The following MAST2 variants were observed in gnomAD, a reference collection of about 807,000 sequenced individuals.
MAST2 encodes the protein microtubule-associated serine/threonine-protein kinase 2.
Under a neutral mutation model 147.4 loss-of-function variants are expected in MAST2, and 70 were observed. That is an observed-to-expected ratio of 0.47 (90% CI 0.39 to 0.58). MAST2 has a LOEUF of 0.58. Among genes scored for constraint, MAST2 ranks in the 20% least tolerant of loss-of-function variants. MAST2 has a pLI of 0.00. For synonymous variants in MAST2, 869 were observed against 896.8 expected, an observed-to-expected ratio of 0.97 and a Z score of 0.55; for missense variants, 2,080 against 2,302.3, an observed-to-expected ratio of 0.90 and a Z score of 1.98.
At chr1:46,013,643 G>A (rs1645808936) in intron 10 of MAST2, among the ~76,000 whole-genome samples, 1 of 150,498 alleles carries the variant, frequency 6.6e-6, no homozygotes, top group African/African-American at 2.5e-5. Flanking sequence ...TCATGCCATT[G>A]TACTCCAGCC....
chr1:46,006,420 TC>T (rs769113946), intron 8 of MAST2, 25 bp downstream of exon 8: 1 of 1,601,112 alleles, frequency 6.2e-7, no homozygotes, highest in Non-Finnish European at 8.5e-7. Context: ...TGCCCACTGT[TC>T]CAGTGCATGT....
rs898765317 is a variant in MAST2 at position 45,941,416 on chromosome 1, C to T, written c.501-17970C>T. On this transcript the variant is annotated intron_variant, in intron 4 of 28. Coordinates refer to ENST00000361297, the MANE Select transcript of MAST2 (RefSeq NM_015112.3). ...CTGGGATTGCAGGCGCCTGCCACTG[C>T]GCCTAGCTAATTTTTCTATTTTTAG... Among the ~76,000 whole-genome samples the T allele has an allele frequency of 5.3e-5, 8 of 152,124 alleles. No homozygotes were observed. The East Asian group carries it at 1.2e-3, about 22-fold the overall frequency.
At chr1:46,019,531 G>A (rs1460907196) in intron 10 of MAST2, 65 bp from the exon 11 acceptor site, 11 of 1,321,442 alleles carry the variant, frequency 8.3e-6, no homozygotes, top group Admixed American at 3.4e-5. Context: ...GCTCTGCCCT[G>A]TCTGGTCCTG....
chr1:46,005,377 A>AAC, intron 7 of MAST2, among the ~76,000 whole-genome samples: 1 of 152,038 alleles, frequency 6.6e-6, no homozygotes, highest in East Asian at 1.9e-4. Flanking sequence ...AAAAAAAAAA[A>AAC]ACCCCAGATC....
intron 4 of MAST2, among the ~76,000 whole-genome samples, chr1:45,884,195 C>G (rs544669218): frequency 6.6e-6 from 1 of 151,846 alleles, no homozygotes; most frequent in Non-Finnish European, 1.5e-5. Flanking sequence ...ATTTTCCCTC[C>G]TCTTTTTTGA....
At chr1:45,932,968 G>T (rs1345381307) in intron 4 of MAST2, among the ~76,000 whole-genome samples, 1 of 145,146 alleles carries the variant, frequency 6.9e-6, no homozygotes, top group African/African-American at 2.6e-5. Flanking sequence ...CTTTTTAAAA[G>T]CCAAAATATG....
chr1:45,992,631 TG>T (rs1382851690), intron 5 of MAST2, among the ~76,000 whole-genome samples: 4 of 152,156 alleles, frequency 2.6e-5, no homozygotes, highest in Non-Finnish European at 5.9e-5. Flanking sequence ...TATAAATGTT[TG>T]GTAGAATTAA....
chr1:45,854,292 G>A (rs967381383), intron 3 of MAST2, among the ~76,000 whole-genome samples: 9 of 150,342 alleles, frequency 6.0e-5, no homozygotes, highest in Admixed American at 1.3e-4. Context: ...AGCTGAGATC[G>A]TACCACTGTA....
At chr1:46,010,656 C>G (rs1645675556) in intron 9 of MAST2, 74 bp from the exon 10 acceptor site, 1 of 1,364,740 alleles carries the variant, frequency 7.3e-7, no homozygotes, top group Non-Finnish European at 1.0e-6. Flanking sequence ...TTTGCTATTT[C>G]CAGGTCCTTC....
At chr1:45,827,445 C>T (rs1644827850) in intron 2 of MAST2, among the ~76,000 whole-genome samples, 1 of 152,090 alleles carries the variant, frequency 6.6e-6, no homozygotes, top group Admixed American at 6.5e-5. Context: ...GTGTGTAAGC[C>T]TCTTTCCCAA....
chr1:45,853,058 G>A (rs574261500), intron 3 of MAST2, among the ~76,000 whole-genome samples: 4 of 152,100 alleles, frequency 2.6e-5, no homozygotes, highest in Non-Finnish European at 5.9e-5. Flanking sequence ...ATCCTCCCGA[G>A]TAGCTGGGAT....
chr1:45,818,145 G>C (rs1015871296), intron 1 of MAST2, among the ~76,000 whole-genome samples: 1 of 152,200 alleles, frequency 6.6e-6, no homozygotes, highest in African/African-American at 2.4e-5. Context: ...GTTGGGTGTT[G>C]TTGTGGAGAA....
chr1:45,948,897 A>G (rs1436109153), intron 4 of MAST2, among the ~76,000 whole-genome samples: 1 of 151,966 alleles, frequency 6.6e-6, no homozygotes, highest in Non-Finnish European at 1.5e-5. Flanking sequence ...AGCCTATTTT[A>G]AAAATCAGGG....
chr1:45,917,356 G>A (rs190570708), intron 4 of MAST2: 269 of 1,365,750 alleles, frequency 2.0e-4, no homozygotes, highest in Non-Finnish European at 2.4e-4. Context: ...ACCCTTTGCC[G>A]AGGAGCTGAA....
intron 3 of MAST2, among the ~76,000 whole-genome samples, chr1:45,852,213 T>G (rs1188440646): frequency 6.6e-6 from 1 of 152,190 alleles, no homozygotes; most frequent in African/African-American, 2.4e-5. Flanking sequence ...TGAATAGATT[T>G]GTGTAATGGC....
chr1:45,953,450 A>C (rs535691209), intron 4 of MAST2, among the ~76,000 whole-genome samples: 2 of 152,224 alleles, frequency 1.3e-5, no homozygotes, highest in Non-Finnish European at 2.9e-5. Context: ...GATACCTCTT[A>C]GAGCTCACTC....
intron 1 of MAST2, among the ~76,000 whole-genome samples, chr1:45,813,319 A>T (rs575955455): frequency 4.4e-4 from 66 of 151,114 alleles, no homozygotes; most frequent in Admixed American, 5.3e-4. Context: ...GTCCCATAAG[A>T]TTATTATTAT....
At chr1:45,915,077 T>A (rs1384342994) in intron 4 of MAST2, among the ~76,000 whole-genome samples, 1 of 152,130 alleles carries the variant, frequency 6.6e-6, no homozygotes, top group African/African-American at 2.4e-5. Flanking sequence ...ACCACAGGCA[T>A]GCACCACCAA....
chr1:45,947,524 T>C (rs1299040972), intron 4 of MAST2, among the ~76,000 whole-genome samples: 1 of 151,956 alleles, frequency 6.6e-6, no homozygotes, highest in African/African-American at 2.4e-5. Context: ...CAGCAGAACA[T>C]GAGGAAAACC....
Sources: gnomAD v4.1 joint callset for allele counts (sites outside exome capture counted in the v4.1 genomes callset) on GRCh38, gnomAD v4.1.1 for gene constraint, MANE v1.5 for transcripts, NCBI Gene and HGNC (gene_info 2026-07-23, HGNC 2026-07-21) for gene names.